Variants in RNF180 observed in about 807,000 individuals in gnomAD.
The protein encoded by RNF180 is E3 ubiquitin-protein ligase RNF180.
In RNF180, 38 loss-of-function variants were observed where a neutral mutation model predicts 59.2. The observed-to-expected ratio is 0.64, with a 90% CI of 0.50 to 0.84. The LOEUF (loss-of-function observed/expected upper bound fraction) is 0.84. Ranked by LOEUF, RNF180 falls within the 40% of genes least tolerant of loss-of-function variation. The pLI, the probability that RNF180 is intolerant of heterozygous loss-of-function variation, is 0.00. For synonymous variants in RNF180, 262 were observed against 240.3 expected, an observed-to-expected ratio of 1.09 and a Z score of -0.84; for missense variants, 705 against 700.9, an observed-to-expected ratio of 1.01 and a Z score of -0.07.
rs115617298 is a variant in RNF180 at position 64,278,845 on chromosome 5, C to T, written c.1228-46341C>T. On this transcript the variant is annotated intron_variant, in intron 5 of 7. Transcript: ENST00000389100. ...TTGTTGCCTAGGCTGGTCTCAAACTCCTGGCCTCAAACTGTCTTCCTGCCT... is the reference window on the plus strand; with the variant it reads ...TTGTTGCCTAGGCTGGTCTCAAACTTCTGGCCTCAAACTGTCTTCCTGCCT... 3.9e-3 allele frequency among the ~76,000 whole-genome samples: 594 copies of T among 152,182 alleles called. 3 individuals carry two copies. Among genetic ancestry groups the T allele is most frequent in the African/African-American group, 0.014 (575 of 41,516 alleles).
chr5:64,296,421 T>C (rs1742883001), intron 5 of RNF180, among the ~76,000 whole-genome samples: 1 of 152,182 alleles, frequency 6.6e-6, no homozygotes, highest in African/African-American at 2.4e-5. Flanking sequence ...TTGCAAATTT[T>C]ATTGACTCAA....
intron 7 of RNF180, among the ~76,000 whole-genome samples, chr5:64,348,818 A>T (rs1295215182): frequency 6.6e-6 from 1 of 152,108 alleles, no homozygotes; most frequent in Non-Finnish European, 1.5e-5. Context: ...TATAAAACTG[A>T]TTACCAAATG....
intron 1 of RNF180, among the ~76,000 whole-genome samples, chr5:64,194,512 A>G (rs943181969): frequency 6.6e-6 from 1 of 152,180 alleles, no homozygotes; most frequent in African/African-American, 2.4e-5. Context: ...TCCTTTGGAT[A>G]TATACCCAGT....
intron 1 of RNF180, among the ~76,000 whole-genome samples, chr5:64,188,260 A>G (rs1750966869): frequency 6.6e-6 from 1 of 152,134 alleles, no homozygotes; most frequent in African/African-American, 2.4e-5. Flanking sequence ...TACATTAAGG[A>G]CATGCTATTT....
chr5:64,193,217 T>C (rs1425906046), intron 1 of RNF180, among the ~76,000 whole-genome samples: 1 of 151,890 alleles, frequency 6.6e-6, no homozygotes, highest in East Asian at 1.9e-4. Flanking sequence ...GTGCAATATA[T>C]TACCTATAGT....
chr5:64,284,603 T>C (rs1262802926), intron 5 of RNF180, among the ~76,000 whole-genome samples: 2 of 152,256 alleles, frequency 1.3e-5, no homozygotes, highest in Non-Finnish European at 2.9e-5. Context: ...GATTCTTTCC[T>C]GAACCTTATC....
chr5:64,284,053 G>A (rs909784789), intron 5 of RNF180, among the ~76,000 whole-genome samples: 5 of 152,130 alleles, frequency 3.3e-5, no homozygotes, highest in African/African-American at 7.2e-5. Context: ...AGATCTGGTG[G>A]TAACAAAATC....
intron 5 of RNF180, among the ~76,000 whole-genome samples, chr5:64,221,318 T>C (rs1253389283): frequency 6.6e-6 from 1 of 152,122 alleles, no homozygotes; most frequent in Non-Finnish European, 1.5e-5. Flanking sequence ...ACATTTCTTA[T>C]GGTTTTATTA....
chr5:64,189,739 A>G (rs1204505743), intron 1 of RNF180, among the ~76,000 whole-genome samples: 1 of 152,190 alleles, frequency 6.6e-6, no homozygotes, highest in Non-Finnish European at 1.5e-5. Flanking sequence ...AAATACTGGA[A>G]AGCATGTTTT....
At chr5:64,196,501 A>G (rs1249548291) in intron 1 of RNF180, among the ~76,000 whole-genome samples, 2 of 152,024 alleles carry the variant, frequency 1.3e-5, no homozygotes, top group African/African-American at 2.4e-5. Context: ...AGCTTTTAAG[A>G]TGAGCATGTT....
intron 2 of RNF180, among the ~76,000 whole-genome samples, chr5:64,208,051 A>G (rs1461906214): frequency 1.3e-5 from 2 of 152,100 alleles, no homozygotes; most frequent in African/African-American, 4.8e-5. Context: ...AATATTAAAG[A>G]TCACATAATG....
At chr5:64,346,359 CTTTTTTTTTTTTTTT>C (rs1162054033) in intron 7 of RNF180, among the ~76,000 whole-genome samples, 3 of 42,954 alleles carry the variant, frequency 7.0e-5, no homozygotes, top group African/African-American at 9.3e-5. Flanking sequence ...TTCTTTTCTT[CTTTTTTTTTTTTTTT>C]TTTTTTTTTT....
At chr5:64,236,915 C>T (rs1167593321) in intron 5 of RNF180, among the ~76,000 whole-genome samples, 1 of 152,166 alleles carries the variant, frequency 6.6e-6, no homozygotes, top group Non-Finnish European at 1.5e-5. Context: ...GAACCTCCAC[C>T]TAGATTTCAG....
At chr5:64,256,340 C>T (rs891263934) in intron 5 of RNF180, among the ~76,000 whole-genome samples, 28 of 152,254 alleles carry the variant, frequency 1.8e-4, no homozygotes, top group Admixed American at 1.7e-3. Context: ...TTAGATCTAA[C>T]ATTTAAGTCT....
chr5:64,332,453 G>A (rs1744948423), intron 7 of RNF180, among the ~76,000 whole-genome samples: 1 of 152,090 alleles, frequency 6.6e-6, no homozygotes, highest in African/African-American at 2.4e-5. Context: ...CTGGCTTTAG[G>A]TCTAAGTTAT....
chr5:64,302,908 T>C lies in RNF180; in HGVS notation c.1228-22278T>C, dbSNP rs191405562. On this transcript the variant is annotated intron_variant, in intron 5 of 7. Transcript: ENST00000389100. ...AGTCAAACCTTGTATTTTTGCACTT[T>C]GCTTTATTTCACTTTGTAGATACTG... Among the ~76,000 whole-genome samples, 4 of 151,774 alleles carry C rather than the reference T, an allele frequency of 2.6e-5. No homozygotes were observed. The East Asian group carries it at 7.8e-4, about 29-fold the overall frequency.
intron 1 of RNF180, among the ~76,000 whole-genome samples, chr5:64,175,034 C>T (rs1750156486): frequency 7.8e-6 from 1 of 128,582 alleles, no homozygotes; most frequent in East Asian, 2.6e-4. Flanking sequence ...GTGGTGCAAT[C>T]TCGGCTCACT....
intron 6 of RNF180, among the ~76,000 whole-genome samples, chr5:64,327,846 A>G (rs1233861988): frequency 2.0e-5 from 3 of 152,172 alleles, no homozygotes; most frequent in Non-Finnish European, 2.9e-5. Flanking sequence ...GATCTGTGCA[A>G]TGCTGGGAAT....
chr5:64,348,446 T>C (rs1745640932), intron 7 of RNF180, among the ~76,000 whole-genome samples: 1 of 152,132 alleles, frequency 6.6e-6, no homozygotes, highest in African/African-American at 2.4e-5. Flanking sequence ...GATAGGTTAA[T>C]ATTCACTTTT....
Sources: gnomAD v4.1 joint callset for allele counts (sites outside exome capture counted in the v4.1 genomes callset) on GRCh38, gnomAD v4.1.1 for gene constraint, MANE v1.5 for transcripts, NCBI Gene and HGNC (gene_info 2026-07-23, HGNC 2026-07-21) for gene names.